The following DYNC1LI1 variants were observed in gnomAD, a reference collection of about 807,000 sequenced individuals.
DYNC1LI1 encodes the protein cytoplasmic dynein 1 light intermediate chain 1.
A neutral mutation model predicts 63.8 loss-of-function variants in DYNC1LI1; 19 were observed. The observed-to-expected ratio is 0.30, with a 90% CI of 0.21 to 0.44. The LOEUF (loss-of-function observed/expected upper bound fraction) is 0.44. Among genes scored for constraint, DYNC1LI1 ranks in the 20% least tolerant of loss-of-function variants. The pLI, the probability that DYNC1LI1 is intolerant of heterozygous loss-of-function variation, is 1.00. For missense variants in DYNC1LI1, 565 were observed against 630.2 expected, an observed-to-expected ratio of 0.90 and a Z score of 1.11; for synonymous variants, 225 against 232.3, an observed-to-expected ratio of 0.97 and a Z score of 0.28.
At chr3:32,530,541 A>G in intron 8 of DYNC1LI1, 21 bp from the exon 9 acceptor site, 1 of 1,597,408 alleles carries the variant, frequency 6.3e-7, no homozygotes, top group Non-Finnish European at 8.6e-7. Context: ...CAATGCACAA[A>G]TGAGCAAATT....
chr3:32,528,315 T>A (rs1380935528), intron 12 of DYNC1LI1, 131 bp downstream of exon 12: 1 of 924,040 alleles, frequency 1.1e-6, no homozygotes, highest in African/African-American at 1.7e-5. Context: ...TAAAATCAGA[T>A]TATGGTGATG....
In DYNC1LI1 at chr3:32,530,466, G is replaced by C; in HGVS notation, c.1135C>G (p.Leu379Val). The C allele has an allele frequency of 6.2e-7, 1 of 1,613,054 alleles. No individual in the cohort carries two copies. Among genetic ancestry groups the C allele is most frequent in the Non-Finnish European group, 8.5e-7 (1 of 1,179,588 alleles). The part of the protein sequence containing the change: ...AEDDQVFLMK[L>V]QSLLAKQPPT... ...CTTCTGATATAATTTCATACCTGTA[G>C]CTTCATAAGAAACACCTGATCATCT... Residue 379 changes from leucine to valine, a missense_variant, in exon 9 of 13, where the codon CTA becomes GTA. Transcript: ENST00000273130.
intron 8 of DYNC1LI1, chr3:32,532,480 AAT>A: frequency 9.3e-6 from 1 of 107,772 alleles, no homozygotes; most frequent in African/African-American, 3.9e-5. Flanking sequence ...AAAAAAAAAA[AAT>A]GTGTGTATAT....
chr3:32,570,087 C>A, intron 2 of DYNC1LI1: 1 of 619,768 alleles, frequency 1.6e-6, no homozygotes, highest in Non-Finnish European at 2.9e-6. Context: ...TTCTGTCCTT[C>A]CCAGGGGAAG....
chr3:32,538,086 T>TTA (rs1435812097), intron 5 of DYNC1LI1, among the ~76,000 whole-genome samples: 7 of 91,882 alleles, frequency 7.6e-5, no homozygotes, highest in Non-Finnish European at 1.4e-4. Context: ...TATATAAAAT[T>TTA]TATATATATA....
chr3:32,541,295 ATTTATAC>A (rs956994363), intron 4 of DYNC1LI1, 89 bp from the exon 5 acceptor site: 19 of 832,504 alleles, frequency 2.3e-5, no homozygotes, highest in Non-Finnish European at 3.5e-5. Flanking sequence ...ATTTACTCGA[ATTTATAC>A]TTAGTCTTGT....
chr3:32,529,607 T>C lies in DYNC1LI1; in HGVS notation c.1239A>G (p.Val413=), dbSNP rs748052246. The change falls in exon 11 of 13, where the codon GTA becomes GTG. Residue 413 remains valine, a synonymous_variant. Transcript: ENST00000273130. Reference sequence around the variant, plus strand: ...GTGACACGCTGGCAACATTAGATGATACAGATCTATTTGGTGTTCGTGGGG... The same window carrying C: ...GTGACACGCTGGCAACATTAGATGACACAGATCTATTTGGTGTTCGTGGGG... ...GGSPRTPNRS[V]SSNVASVSPI... is the part of the protein sequence containing the mutation. 4 of 1,610,562 alleles carry C rather than the reference T, an allele frequency of 2.5e-6. No individual in the cohort carries two copies. The Middle Eastern group carries it at 6.2e-4, about 250-fold the overall frequency.
intron 6 of DYNC1LI1, 65 bp from the exon 7 acceptor site, chr3:32,534,711 G>GT (rs1231540216): frequency 8.5e-6 from 11 of 1,293,872 alleles, no homozygotes; most frequent in Non-Finnish European, 8.3e-6. Context: ...AAAATTCTGT[G>GT]TTTTCAGCTT....
At chr3:32,569,638 C>T (rs1041418837) in intron 2 of DYNC1LI1, among the ~76,000 whole-genome samples, 69 of 152,222 alleles carry the variant, frequency 4.5e-4, no homozygotes, top group African/African-American at 1.7e-3. Flanking sequence ...AACTATTCTC[C>T]CTCAGTCCTC....
chr3:32,539,452 C>T (rs1241528834), intron 5 of DYNC1LI1, among the ~76,000 whole-genome samples: 1 of 152,084 alleles, frequency 6.6e-6, no homozygotes, highest in Non-Finnish European at 1.5e-5. Flanking sequence ...TATGTTCTGT[C>T]ATTTTCTTAA....
At chr3:32,561,615 C>A (rs1038704612) in intron 2 of DYNC1LI1, among the ~76,000 whole-genome samples, 1 of 150,042 alleles carries the variant, frequency 6.7e-6, no homozygotes, top group East Asian at 2.0e-4. Flanking sequence ...GGTGACAGAG[C>A]GAGACTTCAT....
chr3:32,535,473 C>A (rs1184157110), intron 6 of DYNC1LI1, among the ~76,000 whole-genome samples: 1 of 152,184 alleles, frequency 6.6e-6, no homozygotes, highest in East Asian at 1.9e-4. Flanking sequence ...AACTTCTTAA[C>A]TGGGATACTC....
chr3:32,564,298 G>T lies in DYNC1LI1; in HGVS notation c.220+6048C>A, dbSNP rs549587439. Among the ~76,000 whole-genome samples the T allele has an allele frequency of 6.6e-5, 10 of 152,162 alleles. No homozygotes were observed. The South Asian group carries it at 2.1e-3, about 32-fold the overall frequency. On this transcript the variant is annotated intron_variant, in intron 2 of 12. Transcript: ENST00000273130. The stretch of plus-strand genomic sequence containing the variant: ...CAGTGTACTACAGCCTAGGTGACAG[G>T]GCAAGACCCCATCTCTAAATAAACA...
intron 12 of DYNC1LI1, among the ~76,000 whole-genome samples, chr3:32,527,538 C>T (rs973996515): frequency 1.3e-4 from 20 of 151,858 alleles, no homozygotes; most frequent in Admixed American, 7.2e-4. Context: ...TATGGAGAAA[C>T]GAACTTTCCT....
chr3:32,558,787 G>A (rs531334600), intron 2 of DYNC1LI1, among the ~76,000 whole-genome samples: 4 of 151,674 alleles, frequency 2.6e-5, no homozygotes, highest in African/African-American at 4.9e-5. Flanking sequence ...CAGAGGCTGC[G>A]GTAAGCCAAG....
intron 2 of DYNC1LI1, among the ~76,000 whole-genome samples, chr3:32,563,323 C>T (rs372928736): frequency 2.6e-4 from 35 of 135,640 alleles, no homozygotes; most frequent in Admixed American, 2.1e-3. Flanking sequence ...TGGAGTCTTG[C>T]TTGGTCACCC....
chr3:32,553,245 G>A, intron 2 of DYNC1LI1, among the ~76,000 whole-genome samples: 1 of 152,140 alleles, frequency 6.6e-6, no homozygotes, highest in East Asian at 1.9e-4. Context: ...TGAGGTGGGA[G>A]GACAGCTCAG....
At chr3:32,536,890 A>T (rs1697781614) in intron 6 of DYNC1LI1, 121 bp downstream of exon 6, 2 of 573,424 alleles carry the variant, frequency 3.5e-6, no homozygotes, top group Non-Finnish European at 6.2e-6. Flanking sequence ...ATTTCCAACC[A>T]GAGACAGAAG....
intron 2 of DYNC1LI1, among the ~76,000 whole-genome samples, chr3:32,567,703 C>CTT (rs749073673): frequency 1.6e-4 from 19 of 122,146 alleles, no homozygotes; most frequent in East Asian, 6.7e-4. Context: ...CATACCCGGC[C>CTT]TTTTTTTTTT....
Sources: allele counts gnomAD v4.1 joint callset (sites outside exome capture counted in the v4.1 genomes callset), GRCh38; gene constraint gnomAD v4.1.1; transcripts MANE v1.5; gene names NCBI Gene and HGNC (gene_info 2026-07-23, HGNC 2026-07-21).